Variants in FAM163A observed in about 807,000 individuals in gnomAD.
FAM163A encodes the protein protein FAM163A.
Under a neutral mutation model 12.0 loss-of-function variants are expected in FAM163A, and 7 were observed. The ratio of observed to expected loss-of-function variants is 0.58; its 90% CI spans 0.33 to 1.10. The LOEUF (loss-of-function observed/expected upper bound fraction) is 1.10, where lower values mean the gene tolerates loss of function less well. FAM163A is among the 50% of genes least tolerant of loss of function. The pLI, the probability that FAM163A is intolerant of heterozygous loss-of-function variation, is 0.03. For missense variants in FAM163A, 202 were observed against 218.6 expected (o/e 0.92, Z 0.48); for synonymous variants, 101 against 91.0 (o/e 1.11, Z -0.62).
upstream of FAM163A, among the ~76,000 whole-genome samples, chr1:179,739,063 T>A (rs1167713251): frequency 6.6e-6 from 1 of 152,030 alleles, no homozygotes; most frequent in African/African-American, 2.4e-5. Flanking sequence ...AGCAATTAAA[T>A]GGTTAACAAA....
intron 4 of FAM163A, 117 bp from the exon 5 acceptor site, chr1:179,813,662 G>A (rs941475425): frequency 1.6e-6 from 2 of 1,216,644 alleles, no homozygotes; most frequent in Non-Finnish European, 2.3e-6. Context: ...CTGGGGTTCA[G>A]TGCCTGGCAC....
In FAM163A at chr1:179,815,109, G is replaced by A. The variant is rs4058502; in HGVS notation, c.*920G>A. ...CAGGTGTACGCACGCGCGCGCGCGC[G>A]CACAGACACACACACACACACACAC... On this transcript the variant is annotated 3_prime_UTR_variant, in exon 5 of 5. Transcript: ENST00000341785. 12,170 of 67,160 alleles carry A rather than the reference G, an allele frequency of 0.18. 670 individuals are homozygous for A. The highest frequency in any genetic ancestry group is 0.32 in the African/African-American group (5,074 of 15,778). The allele number at this position is 67,160 out of a possible 1,614,324, so 4.2% of individuals were successfully genotyped here.
At chr1:179,761,664 C>T (rs748902622) in intron 1 of FAM163A, among the ~76,000 whole-genome samples, 5 of 152,080 alleles carry the variant, frequency 3.3e-5, no homozygotes, top group African/African-American at 1.2e-4. Flanking sequence ...AAGACAGGGC[C>T]GGCTCAACGA....
intron 1 of FAM163A, among the ~76,000 whole-genome samples, chr1:179,806,745 C>T (rs1218769298): frequency 6.6e-6 from 1 of 152,250 alleles, no homozygotes; most frequent in African/African-American, 2.4e-5. Flanking sequence ...CATCCCTCCT[C>T]TCCCTCCTTC....
At chr1:179,803,567 T>A (rs565782895) in intron 1 of FAM163A, among the ~76,000 whole-genome samples, 17 of 152,298 alleles carry the variant, frequency 1.1e-4, no homozygotes, top group Middle Eastern at 3.4e-3. Flanking sequence ...GCCCCCATTT[T>A]TTTTTTATTT....
At chr1:179,772,238 C>T (rs577904714) in intron 1 of FAM163A, among the ~76,000 whole-genome samples, 1 of 152,318 alleles carries the variant, frequency 6.6e-6, no homozygotes, top group South Asian at 2.1e-4. Context: ...TCTGCTCACA[C>T]ATCTGGTCAG....
chr1:179,765,555 G>A (rs1283241043), intron 1 of FAM163A, among the ~76,000 whole-genome samples: 1 of 152,210 alleles, frequency 6.6e-6, no homozygotes, highest in Non-Finnish European at 1.5e-5. Context: ...TGTTTGAGGG[G>A]AGCAGCTTAG....
At chr1:179,762,436 C>T (rs1455383731) in intron 1 of FAM163A, among the ~76,000 whole-genome samples, 1 of 152,138 alleles carries the variant, frequency 6.6e-6, no homozygotes, top group Non-Finnish European at 1.5e-5. Flanking sequence ...ATGCACAAGG[C>T]TAGATGTCTG....
intron 1 of FAM163A, among the ~76,000 whole-genome samples, chr1:179,760,359 A>T (rs1487169035): frequency 1.3e-5 from 2 of 152,218 alleles, no homozygotes; most frequent in Non-Finnish European, 2.9e-5. Flanking sequence ...TTAGAGACAG[A>T]CACAAATGAT....
At chr1:179,800,407 G>T (rs1011958076) in intron 1 of FAM163A, among the ~76,000 whole-genome samples, 1 of 152,266 alleles carries the variant, frequency 6.6e-6, no homozygotes, top group African/African-American at 2.4e-5. Flanking sequence ...GGGAGGAGCA[G>T]AGCACCTCTG....
In FAM163A at chr1:179,791,212, C is replaced by T. The variant is rs539258205; in HGVS notation, c.-135-16586C>T. 6.9e-4 allele frequency among the ~76,000 whole-genome samples: 105 copies of T among 152,292 alleles called. 1 individual carries two copies. Among genetic ancestry groups the T allele is most frequent in the African/African-American group, 2.4e-3 (98 of 41,554 alleles). On this transcript the variant is annotated intron_variant, in intron 1 of 4. Transcript: ENST00000341785. ...ACCTAACGTTATGAGACTTCAGTGTCGGCAGTAACACTGCCGACTGGGTCT... is the reference window on the plus strand; with the variant it reads ...ACCTAACGTTATGAGACTTCAGTGTTGGCAGTAACACTGCCGACTGGGTCT...
chr1:179,803,603 T>C (rs991567191), intron 1 of FAM163A, among the ~76,000 whole-genome samples: 8 of 152,198 alleles, frequency 5.3e-5, no homozygotes, highest in Admixed American at 1.3e-4. Flanking sequence ...AGTTTTGCTC[T>C]TGTTGCCCAG....
At chr1:179,757,266 G>A (rs796168703) in intron 1 of FAM163A, among the ~76,000 whole-genome samples, 1 of 152,210 alleles carries the variant, frequency 6.6e-6, no homozygotes, top group African/African-American at 2.4e-5. Flanking sequence ...GGGGAGAGGG[G>A]AAAGCACAGG....
At chr1:179,738,885 AGTG>A (rs1683301324), upstream of FAM163A, among the ~76,000 whole-genome samples, 1 of 152,240 alleles carries the variant, frequency 6.6e-6, no homozygotes, top group African/African-American at 2.4e-5. Context: ...GAAGGAATAA[AGTG>A]GGCAGAATCA....
At chr1:179,776,994 C>T (rs1336681626) in intron 1 of FAM163A, among the ~76,000 whole-genome samples, 1 of 152,230 alleles carries the variant, frequency 6.6e-6, no homozygotes, top group Non-Finnish European at 1.5e-5. Flanking sequence ...TTGTGAATGG[C>T]TCTTTTCACT....
chr1:179,753,874 T>C (rs1486776272), intron 1 of FAM163A, among the ~76,000 whole-genome samples: 2 of 152,210 alleles, frequency 1.3e-5, no homozygotes, highest in African/African-American at 2.4e-5. Flanking sequence ...TTGAGCCCAT[T>C]TTCTTACCTA....
chr1:179,735,015 A>T, the FAM163A span, among the ~76,000 whole-genome samples: 1 of 152,170 alleles, frequency 6.6e-6, no homozygotes, highest in Admixed American at 6.5e-5. Context: ...AAACAAAAAA[A>T]GTTTATATTA....
rs1315169392 is a variant in FAM163A, at chr1:179,815,006, T to C, written c.*817T>C. 1 of 152,120 alleles carries C rather than the reference T, an allele frequency of 6.6e-6. No individual in the cohort carries two copies. The highest frequency in any genetic ancestry group is 1.5e-5 in the Non-Finnish European group (1 of 68,032). The allele number at this position is 152,120 out of a possible 1,614,324, so 9.4% of individuals were successfully genotyped here. A position where few individuals can be genotyped will look rare whatever the true frequency, so the allele number is the denominator to read the frequency against. On this transcript the variant is annotated 3_prime_UTR_variant, in exon 5 of 5. Coordinates refer to ENST00000341785, the MANE Select transcript of FAM163A (RefSeq NM_173509.3). The stretch of plus-strand genomic sequence containing the variant: ...CTGGTAGCTTAGCAAAGAGACCAGC[T>C]GACTGTCTCTCGGCCCAGCCCACCA...
At chr1:179,780,210 G>A (rs1689529050) in intron 1 of FAM163A, among the ~76,000 whole-genome samples, 1 of 152,202 alleles carries the variant, frequency 6.6e-6, no homozygotes, top group South Asian at 2.1e-4. Context: ...AGATCTCAAA[G>A]ATTGACCATA....
Sources: gnomAD v4.1 joint callset for allele counts (sites outside exome capture counted in the v4.1 genomes callset) on GRCh38, gnomAD v4.1.1 for gene constraint, MANE v1.5 for transcripts, NCBI Gene and HGNC (gene_info 2026-07-23, HGNC 2026-07-21) for gene names.